The following DSC3 variants were observed in gnomAD, a reference collection of about 807,000 sequenced individuals.
DSC3 encodes desmocollin-3.
In DSC3, 97 loss-of-function variants were observed where a neutral mutation model predicts 89.5. That is an observed-to-expected ratio of 1.08 (90% CI 0.92 to 1.28). The LOEUF (loss-of-function observed/expected upper bound fraction) is 1.28, where lower values mean the gene tolerates loss of function less well. DSC3 is among the 50% of genes most tolerant of loss of function. The pLI is 0.00. For synonymous variants in DSC3, 436 were observed against 384.1 expected (o/e 1.14, Z -1.58); for missense variants, 1,199 against 1,085.3 (o/e 1.10, Z -1.47).
At chr18:30,996,000 G>GAA (rs1984449445) in intron 15 of DSC3, among the ~76,000 whole-genome samples, 1 of 79,900 alleles carries the variant, frequency 1.3e-5, no homozygotes, top group African/African-American at 4.8e-5. Context: ...AAAAAAAAAA[G>GAA]AAAAGAAAGA....
At position 31,011,297 on chromosome 18, in the gene DSC3, G is replaced by A. The variant is rs552001021; in HGVS notation, c.1264-2772C>T. Among the ~76,000 whole-genome samples, 14 of 152,318 alleles carry A rather than the reference G, an allele frequency of 9.2e-5. No homozygotes were observed. The South Asian group carries it at 1.9e-3, about 20-fold the overall frequency. On this transcript the variant is annotated intron_variant, in intron 9 of 15. Transcript: ENST00000360428. ...TAATCTCTCAAGCTGTCACAGAGGCGAATGAAGGGAATAAATGCTGTATGT... is the reference window on the plus strand; with the variant it reads ...TAATCTCTCAAGCTGTCACAGAGGCAAATGAAGGGAATAAATGCTGTATGT...
At chr18:30,999,914 A>G (rs1228044448) in intron 14 of DSC3, among the ~76,000 whole-genome samples, 11 of 152,190 alleles carry the variant, frequency 7.2e-5, no homozygotes, top group Admixed American at 7.2e-4. Flanking sequence ...CATATTGTGA[A>G]ATGGCCACTC....
Position 30,996,646 on chromosome 18 carries a change from C to T in DSC3, c.2493+145G>A, listed in dbSNP as rs966068452. ...ATCTCTTTTAAATTAAATAATGTAA[C>T]AAAATCAAAGAGCACGGGAAAATGA... On this transcript the variant is annotated intron_variant, in intron 15 of 15. Coordinates refer to ENST00000360428, the MANE Select transcript of DSC3 (RefSeq NM_001941.5). 182 of 829,066 alleles carry T rather than the reference C, an allele frequency of 2.2e-4. No individual in the cohort carries two copies. The African/African-American group carries it at 2.9e-3, about 13-fold the overall frequency. 51.4% of individuals were successfully genotyped at this position (829,066 alleles called of 1,614,324 possible).
At chr18:31,021,791 A>T (rs920792010) in intron 7 of DSC3, among the ~76,000 whole-genome samples, 1 of 152,206 alleles carries the variant, frequency 6.6e-6, no homozygotes, top group African/African-American at 2.4e-5. Flanking sequence ...GTGTCTAGTC[A>T]AACAAAAATA....
chr18:31,032,425 C>A, intron 1 of DSC3, 149 bp from the exon 2 acceptor site: 1 of 671,614 alleles, frequency 1.5e-6, no homozygotes, highest in South Asian at 1.8e-5. Flanking sequence ...GGAATTTGCT[C>A]AATATGGTAA....
chr18:31,004,469 G>A (rs576078076), intron 12 of DSC3, 103 bp from the exon 13 acceptor site: 2 of 990,690 alleles, frequency 2.0e-6, no homozygotes, highest in African/African-American at 1.6e-5. Flanking sequence ...TCAAGGAACT[G>A]CCTGCCAGAT....
Position 31,024,573 on chromosome 18 carries a change from T to G in DSC3, c.631-80A>C, listed in dbSNP as rs1985535600. 3 of 1,462,088 alleles carry G rather than the reference T, an allele frequency of 2.1e-6. No individual in the cohort carries two copies. The South Asian group carries it at 3.8e-5, about 19-fold the overall frequency. The allele number at this position is 1,462,088 out of a possible 1,614,324, so 90.6% of individuals were successfully genotyped here. On this transcript the variant is annotated intron_variant, in intron 5 of 15. Transcript: ENST00000360428. The stretch of plus-strand genomic sequence containing the variant: ...TAAGATGCTTTATCTACTACCTGCC[T>G]TGCAAATCTTTTCAATAATAAACTA...
chr18:31,025,137 ATC>A (rs2144720861), intron 5 of DSC3, among the ~76,000 whole-genome samples: 1 of 152,296 alleles, frequency 6.6e-6, no homozygotes, highest in East Asian at 1.9e-4. Flanking sequence ...TAGGAACAGA[ATC>A]TCTCTTTCCG....
rs748492076 is a variant in DSC3 at position 31,001,688 on chromosome 18, C to T, written c.2165G>A (p.Arg722His). 168 of 1,610,670 alleles carry T rather than the reference C, an allele frequency of 1.0e-4. 1 individual carries two copies. Among genetic ancestry groups the T allele is most frequent in the Middle Eastern group, 1.6e-4 (1 of 6,062 alleles). The change falls in exon 14 of 16, where the codon CGT becomes CAT. Residue 722 changes from arginine (R) to histidine (H), a missense_variant. Coordinates refer to ENST00000360428, the MANE Select transcript of DSC3 (RefSeq NM_001941.5). The part of the protein sequence containing the change: ...CGVFGATKGK[R>H]FPEDLAQQNL... ...TTGCTGTGCTAAATCTTCAGGAAAA[C>T]GTTTCCCTTTAGTTGCACCAAAAAC...
chr18:31,033,770 C>T (rs190488692), intron 1 of DSC3, among the ~76,000 whole-genome samples: 1 of 152,318 alleles, frequency 6.6e-6, no homozygotes, highest in East Asian at 1.9e-4. Flanking sequence ...CTGCTCTCCA[C>T]AAAAATGCCA....
At position 31,004,309 on chromosome 18, in the gene DSC3, G is replaced by A. The variant is rs1301101574; in HGVS notation, c.1946C>T (p.Pro649Leu). ...GCCGGCCCTGTCTTTTACAGTAATA[G>A]GAATGGTATATTCTTGAAATCCAGC... ...KNAGFQEYTI[P>L]ITVKDRAGQA... Residue 649 changes from proline to leucine, a missense_variant, in exon 13 of 16, where the codon CCT becomes CTT. Physicochemically the swap from Pro to Leu is moderately conservative, Grantham distance 98. Coordinates refer to ENST00000360428, the MANE Select transcript of DSC3 (RefSeq NM_001941.5). 1.9e-6 allele frequency: 3 copies of A among 1,613,974 alleles called. No homozygotes were observed. Among genetic ancestry groups the A allele is most frequent in the Admixed American group, 3.3e-5 (2 of 59,988 alleles).
intron 1 of DSC3, among the ~76,000 whole-genome samples, chr18:31,042,153 C>A (rs1986154502): frequency 6.6e-6 from 1 of 152,134 alleles, no homozygotes; most frequent in African/African-American, 2.4e-5. Context: ...CAACTGCGAC[C>A]CAGAGCTGGG....
intron 2 of DSC3, among the ~76,000 whole-genome samples, chr18:31,031,644 C>T (rs983121197): frequency 1.3e-5 from 2 of 152,110 alleles, no homozygotes; most frequent in African/African-American, 4.8e-5. Flanking sequence ...AATCCAATCT[C>T]CGAAATTTTC....
At chr18:30,994,521 T>G (rs1487922504) in intron 15 of DSC3, 149 bp from the exon 16 acceptor site, 1 of 1,567,188 alleles carries the variant, frequency 6.4e-7, no homozygotes. Flanking sequence ...TGCAAATGAT[T>G]GGTCTATATC....
At chr18:31,024,298 G>C in intron 6 of DSC3, 51 bp downstream of exon 6, 4 of 1,500,204 alleles carry the variant, frequency 2.7e-6, no homozygotes, top group Non-Finnish European at 3.6e-6. Context: ...CTTTTAAAAT[G>C]TACACAGACA....
chr18:31,011,651 T>A (rs754097562), intron 9 of DSC3, among the ~76,000 whole-genome samples: 2 of 152,110 alleles, frequency 1.3e-5, no homozygotes, highest in Non-Finnish European at 2.9e-5. Context: ...ACACCATGAT[T>A]ATACAGTGTT....
chr18:31,006,161 G>T (rs140203436), intron 12 of DSC3, among the ~76,000 whole-genome samples: 7 of 152,120 alleles, frequency 4.6e-5, no homozygotes, highest in Non-Finnish European at 1.0e-4. Flanking sequence ...CATATCCCTT[G>T]CTATATCCCG....
chr18:31,013,550 T>G (rs1985139093), intron 9 of DSC3, among the ~76,000 whole-genome samples: 1 of 152,040 alleles, frequency 6.6e-6, no homozygotes, highest in Non-Finnish European at 1.5e-5. Context: ...TGCAAAAATA[T>G]TTCCTTCCGT....
chr18:31,029,568 G>A lies in DSC3; in HGVS notation c.415C>T (p.Pro139Ser). 1 of 1,613,880 alleles carries A rather than the reference G, an allele frequency of 6.2e-7. No homozygotes were observed. The highest frequency in any genetic ancestry group is 8.5e-7 in the Non-Finnish European group (1 of 1,179,776). ...TTCTCTTGCATAGAGCAAGGAATAG[G>A]TGCCCATCTCCTCTTGGCACGCCTG... Reference protein sequence around the residue: ...VLRRAKRRWAPIPCSMQENSL... With the variant: ...VLRRAKRRWASIPCSMQENSL... Residue 139 changes from proline (P) to serine (S), a missense_variant, in exon 4 of 16, where the codon CCT becomes TCT. Coordinates refer to ENST00000360428, the MANE Select transcript of DSC3 (RefSeq NM_001941.5).
Sources: allele counts gnomAD v4.1 joint callset (sites outside exome capture counted in the v4.1 genomes callset), GRCh38; gene constraint gnomAD v4.1.1; transcripts MANE v1.5; gene names NCBI Gene and HGNC (gene_info 2026-07-23, HGNC 2026-07-21).